PRKRA: variants seen among roughly 807,000 people sequenced by gnomAD.
The protein encoded by PRKRA is protein activator of interferon induced protein kinase EIF2AK2.
PRKRA carries 22 observed loss-of-function variants against 32.4 expected under a neutral mutation model. That is an observed-to-expected ratio of 0.68 (90% CI 0.49 to 0.97). The LOEUF (loss-of-function observed/expected upper bound fraction) is 0.97, where lower values mean the gene tolerates loss of function less well. Among genes scored for constraint, PRKRA ranks in the 50% least tolerant of loss-of-function variants. The pLI is 0.00. For missense variants in PRKRA, 319 were observed against 375.6 expected (o/e 0.85, Z 1.25); for synonymous variants, 139 against 129.8 (o/e 1.07, Z -0.48).
intron 7 of PRKRA, among the ~76,000 whole-genome samples, chr2:178,435,496 T>G (rs2154124705): frequency 6.6e-6 from 1 of 152,256 alleles, no homozygotes; most frequent in East Asian, 1.9e-4. Context: ...CTGTCCATAT[T>G]TGTCTATCCA....
chr2:178,432,170 G>C lies in PRKRA; in HGVS notation c.869C>G (p.Ser290Cys). The change falls in exon 8 of 8, where the codon TCC becomes TGC. Residue 290 changes from serine to cysteine, a missense_variant. Transcript: ENST00000325748. ...TGCATCACTTTGTGCATTGCCACAG[G>C]AGATACCGGAGCCATGACAGACTGT... ...PITVCHGSGI[S>C]CGNAQSDAAH... 1 of 1,614,212 alleles carries C rather than the reference G, an allele frequency of 6.2e-7. No homozygotes were observed. Among genetic ancestry groups the C allele is most frequent in the Non-Finnish European group, 8.5e-7 (1 of 1,180,030 alleles).
rs372701379 is a variant in PRKRA at position 178,446,768 on chromosome 2, C to T, written c.317+737G>A. Among the ~76,000 whole-genome samples the T allele has an allele frequency of 5.4e-4, 82 of 152,116 alleles. No individual in the cohort carries two copies. In the East Asian group the frequency reaches 0.015, roughly 28 times the overall value. On this transcript the variant is annotated intron_variant, in intron 3 of 7. Transcript: ENST00000325748. ...CAGCACTTTGGGAGGCCGAGGCTGG[C>T]GGATCACGAGGTCAGGAGATCGAGA...
intron 6 of PRKRA, among the ~76,000 whole-genome samples, chr2:178,438,165 TA>T (rs1372791420): frequency 6.6e-6 from 1 of 152,242 alleles, no homozygotes; most frequent in Non-Finnish European, 1.5e-5. Context: ...ACCTAGGTTT[TA>T]AGTTAAAATG....
intron 6 of PRKRA, 124 bp from the exon 7 acceptor site, chr2:178,436,443 A>G (rs1696900986): frequency 1.1e-5 from 9 of 806,178 alleles, no homozygotes; most frequent in Admixed American, 2.3e-5. Flanking sequence ...GTTTAAATGG[A>G]TAACATTTGG....
At chr2:178,437,164 T>G (rs1007989464) in intron 6 of PRKRA, among the ~76,000 whole-genome samples, 1 of 152,142 alleles carries the variant, frequency 6.6e-6, no homozygotes, top group African/African-American at 2.4e-5. Context: ...TTTATTAGAT[T>G]TACCAAATAA....
At chr2:178,444,986 G>A (rs1697262192) in intron 3 of PRKRA, among the ~76,000 whole-genome samples, 1 of 152,166 alleles carries the variant, frequency 6.6e-6, no homozygotes, top group Non-Finnish European at 1.5e-5. Context: ...AAAAACAGAA[G>A]AGTAACAATG....
At chr2:178,450,766 A>C (rs1463542222) in intron 1 of PRKRA, 200 bp downstream of exon 1, 3 of 1,341,944 alleles carry the variant, frequency 2.2e-6, no homozygotes, top group Non-Finnish European at 2.9e-6. Context: ...GCGCGCCGCC[A>C]GGGACCACGA....
Position 178,443,537 on chromosome 2 carries a change from A to G in PRKRA, c.397-153T>C. The stretch of plus-strand genomic sequence containing the variant: ...AAAGAGGGAAGACCCTCTATTTCTC[A>G]AAGACATTCCCGCATTTTATATTTT... On this transcript the variant is annotated intron_variant, in intron 4 of 7. Coordinates refer to ENST00000325748, the MANE Select transcript of PRKRA (RefSeq NM_003690.5). 6.5e-6 allele frequency: 4 copies of G among 615,226 alleles called. No homozygotes were observed. In the South Asian group the frequency reaches 7.3e-5, roughly 11 times the overall value. The allele number at this position is 615,226 out of a possible 1,614,324, so 38.1% of individuals were successfully genotyped here. A position where few individuals can be genotyped will look rare whatever the true frequency, so the allele number is the denominator to read the frequency against.
At chr2:178,450,884 C>A in intron 1 of PRKRA, 82 bp downstream of exon 1, 1 of 1,245,466 alleles carries the variant, frequency 8.0e-7, no homozygotes, top group Non-Finnish European at 1.0e-6. Flanking sequence ...ACCCAGAATG[C>A]CTCTGGAGGG....
intron 3 of PRKRA, among the ~76,000 whole-genome samples, 172 bp from the exon 4 acceptor site, chr2:178,444,672 T>C (rs1207285706): frequency 6.6e-6 from 1 of 152,224 alleles, no homozygotes; most frequent in Admixed American, 6.5e-5. Context: ...ATCCAAGATA[T>C]ATCTCAAATG....
At chr2:178,450,808 C>G (rs1204900390) in intron 1 of PRKRA, 158 bp downstream of exon 1, 2 of 1,344,420 alleles carry the variant, frequency 1.5e-6, no homozygotes, top group Non-Finnish European at 1.9e-6. Flanking sequence ...GACCCCAACC[C>G]TCGCCGCCGA....
At chr2:178,433,450 CTG>C (rs1696752293) in intron 7 of PRKRA, 1 of 152,102 alleles carries the variant, frequency 6.6e-6, no homozygotes, top group African/African-American at 2.4e-5. Flanking sequence ...GGAGGCTGAA[CTG>C]TTTTATATTC....
In PRKRA at chr2:178,431,892, A is replaced by C; in HGVS notation, c.*205T>G. ...CTCTCTCTTGTGGTACAAAGTTTAT[A>C]AATACAGTATACTGATACAAAGTTG... On this transcript the variant is annotated 3_prime_UTR_variant, in exon 8 of 8. Transcript: ENST00000325748. 1.5e-6 allele frequency: 1 copy of C among 653,420 alleles called. No homozygotes were observed. The highest frequency in any genetic ancestry group is 2.0e-5 in the South Asian group (1 of 51,114). The allele number at this position is 653,420 out of a possible 1,614,324, so 40.5% of individuals were successfully genotyped here.
At chr2:178,439,558 A>G (rs1395504846) in intron 6 of PRKRA, 1 of 152,158 alleles carries the variant, frequency 6.6e-6, no homozygotes, top group Non-Finnish European at 1.5e-5. Context: ...GTTAGTAACC[A>G]TTTTATCTCC....
chr2:178,431,863 TAC>T lies in PRKRA; in HGVS notation c.*232_*233del. The T allele has an allele frequency of 1.7e-6, 1 of 573,170 alleles. No homozygotes were observed. 35.5% of individuals were successfully genotyped at this position (573,170 alleles called of 1,614,324 possible). ...GTGCATGGCACTGTAAAATGGGTGC[TAC>T]ACTCTCTCTTGTGGTACAAAGTTTA... On this transcript the variant is annotated 3_prime_UTR_variant, in exon 8 of 8. Transcript: ENST00000325748.
intron 4 of PRKRA, 63 bp downstream of exon 4, chr2:178,444,359 G>T: frequency 9.7e-7 from 1 of 1,026,806 alleles, no homozygotes; most frequent in Non-Finnish European, 1.3e-6. Flanking sequence ...CCTTGTGTTA[G>T]CCCCTCTGAC....
intron 3 of PRKRA, 188 bp downstream of exon 3, chr2:178,447,317 G>T: frequency 1.0e-6 from 1 of 992,258 alleles, no homozygotes; most frequent in Non-Finnish European, 1.4e-6. Context: ...TCATTTAATA[G>T]CTAATTGCTG....
Position 178,431,631 on chromosome 2 carries a change from C to G in PRKRA, c.*466G>C. The G allele has an allele frequency of 5.2e-6, 1 of 191,094 alleles. No homozygotes were observed. Among genetic ancestry groups the G allele is most frequent in the Non-Finnish European group, 1.1e-5 (1 of 90,354 alleles). 11.8% of individuals were successfully genotyped at this position (191,094 alleles called of 1,614,324 possible). ...TACATGAATTCAAATACACAGCAGA[C>G]CAATCATGTTCCCTGAAATTTAACA... On this transcript the variant is annotated 3_prime_UTR_variant, in exon 8 of 8. Transcript: ENST00000325748.
At position 178,451,117 on chromosome 2, in the gene PRKRA, T is replaced by G; in HGVS notation, c.-87A>C. 9.7e-6 allele frequency: 14 copies of G among 1,437,362 alleles called. No individual in the cohort carries two copies. Among genetic ancestry groups the G allele is most frequent in the Non-Finnish European group, 1.3e-5 (14 of 1,075,416 alleles). The allele number at this position is 1,437,362 out of a possible 1,614,324, so 89.0% of individuals were successfully genotyped here. On this transcript the variant is annotated 5_prime_UTR_variant, in exon 1 of 8. Transcript: ENST00000325748. The stretch of plus-strand genomic sequence containing the variant: ...CGGGTCGCTGGTCCCCGGGAGGAGC[T>G]CCAGCGCCGCCACCTCCTCCGACTC...
Sources: allele counts gnomAD v4.1 joint callset (sites outside exome capture counted in the v4.1 genomes callset), GRCh38; gene constraint gnomAD v4.1.1; transcripts MANE v1.5; gene names NCBI Gene and HGNC (gene_info 2026-07-23, HGNC 2026-07-21).